Variants in DNAH12 observed in about 807,000 individuals in gnomAD.
DNAH12 encodes axonemal beta dynein heavy chain 12.
Under a neutral mutation model 371.5 loss-of-function variants are expected in DNAH12, and 285 were observed. The observed-to-expected ratio is 0.77, with a 90% CI of 0.70 to 0.85. The LOEUF is 0.85. Ranked by LOEUF, DNAH12 falls within the 40% of genes least tolerant of loss-of-function variation. The pLI is 0.00. For synonymous variants in DNAH12, 1,200 were observed against 1,213.0 expected (o/e 0.99, Z 0.22); for missense variants, 3,611 against 3,689.4 (o/e 0.98, Z 0.55).
chr3:57,425,282 C>T, intron 34 of DNAH12, 141 bp from the exon 35 acceptor site: 1 of 495,316 alleles, frequency 2.0e-6, no homozygotes, highest in Non-Finnish European at 3.6e-6. Context: ...GGATCTCACT[C>T]TGTCATCCAG....
intron 2 of DNAH12, among the ~76,000 whole-genome samples, chr3:57,533,014 A>C (rs1420951810): frequency 2.6e-5 from 4 of 152,146 alleles, no homozygotes; most frequent in Non-Finnish European, 5.9e-5. Context: ...CTGGTGTCTT[A>C]TTATACTGCT....
chr3:57,369,557 T>C (rs2063127381), intron 55 of DNAH12, among the ~76,000 whole-genome samples: 1 of 151,894 alleles, frequency 6.6e-6, no homozygotes, highest in Non-Finnish European at 1.5e-5. Flanking sequence ...TGACTAGATG[T>C]TTTCTTTCTT....
At chr3:57,322,284 C>A in intron 65 of DNAH12, 59 bp downstream of exon 65, 2 of 1,411,248 alleles carry the variant, frequency 1.4e-6, no homozygotes, top group South Asian at 1.7e-5. Flanking sequence ...CAAAATTTTA[C>A]ACTTCCATAT....
At chr3:57,378,724 C>A (rs2063330270) in intron 52 of DNAH12, among the ~76,000 whole-genome samples, 2 of 152,300 alleles carry the variant, frequency 1.3e-5, no homozygotes, top group Admixed American at 1.3e-4. Flanking sequence ...TATGTCAAGG[C>A]ATGTTCTTGT....
chr3:57,361,446 A>ATATATATATATATATATATATATG (rs2062931334), intron 58 of DNAH12, among the ~76,000 whole-genome samples: 2 of 118,472 alleles, frequency 1.7e-5, no homozygotes, highest in African/African-American at 8.2e-5. Flanking sequence ...CACACACACT[A>ATATATATATATATATATATATATG]TATATATATA....
intron 46 of DNAH12, among the ~76,000 whole-genome samples, 164 bp from the exon 47 acceptor site, chr3:57,386,767 A>C (rs1278128410): frequency 2.0e-5 from 3 of 152,224 alleles, no homozygotes; most frequent in Non-Finnish European, 4.4e-5. Flanking sequence ...ACCACATTAT[A>C]ATTTCTTGTC....
In DNAH12 at chr3:57,523,832, G is replaced by T; in HGVS notation, c.223C>A (p.Leu75Ile). The T allele has an allele frequency of 6.2e-7, 1 of 1,607,756 alleles. No individual in the cohort carries two copies. The change falls in exon 3 of 74, where the codon CTA becomes ATA. Residue 75 changes from leucine (L) to isoleucine (I), a missense_variant. Leu to Ile is a conservative substitution (Grantham distance 5). Coordinates refer to ENST00000495027, the MANE Select transcript of DNAH12 (RefSeq NM_001366028.2). ...TGAGGATAATCAGGTGGTGGTAATA[G>T]AGGTGTTCTTTTACCCAGTGTTCTG... ...LDRTLGKRTPLLPPPDYPQTM... is the reference protein window; with the variant it reads ...LDRTLGKRTPILPPPDYPQTM...
chr3:57,326,492 T>C (rs1575455320), intron 62 of DNAH12, among the ~76,000 whole-genome samples: 1 of 152,134 alleles, frequency 6.6e-6, no homozygotes, highest in South Asian at 2.1e-4. Flanking sequence ...TAAAACACTT[T>C]ACAGACAAAC....
intron 20 of DNAH12, 142 bp from the exon 21 acceptor site, chr3:57,458,362 G>T: frequency 8.9e-7 from 1 of 1,120,962 alleles, no homozygotes; most frequent in South Asian, 2.7e-5. Context: ...AATTTGCAAT[G>T]AAATTTTTTG....
chr3:57,477,573 A>G (rs1333444731), intron 13 of DNAH12, among the ~76,000 whole-genome samples: 1 of 152,118 alleles, frequency 6.6e-6, no homozygotes, highest in South Asian at 2.1e-4. Flanking sequence ...TTTGAAGAGA[A>G]TAGTGGTTCT....
intron 2 of DNAH12, among the ~76,000 whole-genome samples, chr3:57,536,038 T>C (rs1392682826): frequency 1.3e-5 from 2 of 152,032 alleles, no homozygotes; most frequent in Non-Finnish European, 2.9e-5. Context: ...GGTTTCACTG[T>C]GTTGGCCAGG....
intron 37 of DNAH12, 39 bp downstream of exon 37, chr3:57,419,328 T>G: frequency 6.8e-7 from 1 of 1,464,920 alleles, no homozygotes; most frequent in Non-Finnish European, 9.0e-7. Flanking sequence ...AAATGGTACT[T>G]TTACATTCAA....
chr3:57,297,797 T>C (rs1437704631), intron 70 of DNAH12, among the ~76,000 whole-genome samples: 1 of 152,192 alleles, frequency 6.6e-6, no homozygotes, highest in Non-Finnish European at 1.5e-5. Flanking sequence ...CCAGAAGAAT[T>C]GCCAGAATAT....
At chr3:57,415,597 T>TG (rs2064347787) in intron 37 of DNAH12, 33 bp from the exon 38 acceptor site, 1 of 1,499,700 alleles carries the variant, frequency 6.7e-7, no homozygotes, top group African/African-American at 1.4e-5. Context: ...TTATTCAAAA[T>TG]GGAAAAAAAG....
chr3:57,339,009 A>C (rs1429057772), intron 60 of DNAH12, among the ~76,000 whole-genome samples: 1 of 152,228 alleles, frequency 6.6e-6, no homozygotes. Flanking sequence ...TAGACATAGG[A>C]GACTCCATTT....
chr3:57,494,161 A>G (rs769407380), intron 11 of DNAH12, among the ~76,000 whole-genome samples: 3 of 152,184 alleles, frequency 2.0e-5, no homozygotes, highest in South Asian at 4.1e-4. Context: ...TGAGCCAGGG[A>G]GGTCAAGGCA....
chr3:57,348,861 T>C (rs1241908278), intron 60 of DNAH12, among the ~76,000 whole-genome samples: 1 of 152,224 alleles, frequency 6.6e-6, no homozygotes, highest in Non-Finnish European at 1.5e-5. Flanking sequence ...CTTTCCACTT[T>C]GGACTTGACC....
At chr3:57,353,441 T>C (rs1441173168) in intron 59 of DNAH12, among the ~76,000 whole-genome samples, 4 of 152,162 alleles carry the variant, frequency 2.6e-5, no homozygotes, top group Admixed American at 2.6e-4. Flanking sequence ...TACAGGTGCA[T>C]GGCACCATGC....
chr3:57,508,833 G>C (rs996814320), intron 6 of DNAH12, among the ~76,000 whole-genome samples: 1 of 152,146 alleles, frequency 6.6e-6, no homozygotes, highest in Non-Finnish European at 1.5e-5. Context: ...AGTTATCCTG[G>C]TAAAAATGAA....
Sources: gnomAD v4.1 joint callset for allele counts (sites outside exome capture counted in the v4.1 genomes callset) on GRCh38, gnomAD v4.1.1 for gene constraint, MANE v1.5 for transcripts, NCBI Gene and HGNC (gene_info 2026-07-23, HGNC 2026-07-21) for gene names.